The following FCMR variants were observed in gnomAD, a reference collection of about 807,000 sequenced individuals.
The protein encoded by FCMR is Fc mu receptor.
A neutral mutation model predicts 41.6 loss-of-function variants in FCMR; 34 were observed. The ratio of observed to expected loss-of-function variants is 0.82; its 90% confidence interval spans 0.62 to 1.09. The LOEUF (loss-of-function observed/expected upper bound fraction) is 1.09. Ranked by LOEUF, FCMR falls within the 50% of genes least tolerant of loss-of-function variation. FCMR has a pLI of 0.00. For missense variants in FCMR, 496 were observed against 512.5 expected (o/e 0.97, Z 0.31); for synonymous variants, 209 against 211.8 (o/e 0.99, Z 0.12).
In FCMR at chr1:206,911,241, T is replaced by A. The variant is rs79689019; in HGVS notation, c.710+489A>T. Reference sequence around the variant, plus strand: ...AACCAATTTTGATTATTATAGGGTTTTTTTTTTTTGGAGTCTGCTATAATG... The same window carrying A: ...AACCAATTTTGATTATTATAGGGTTATTTTTTTTTGGAGTCTGCTATAATG... On this transcript the variant is annotated intron_variant, in intron 4 of 7. Coordinates refer to ENST00000367091, the MANE Select transcript of FCMR (RefSeq NM_005449.5). 6.9e-3 allele frequency among the ~76,000 whole-genome samples: 1,049 copies of A among 151,766 alleles called. 14 individuals are homozygous for A. Among genetic ancestry groups the A allele is most frequent in the African/African-American group, 0.024 (1,011 of 41,384 alleles).
At chr1:206,912,676 T>C (rs542814693) in intron 3 of FCMR, among the ~76,000 whole-genome samples, 1 of 152,342 alleles carries the variant, frequency 6.6e-6, no homozygotes, top group South Asian at 2.1e-4. Context: ...ACATCATTGC[T>C]TGTGGTGCCA....
chr1:206,907,855 C>A, intron 7 of FCMR: 2 of 1,378,928 alleles, frequency 1.5e-6, no homozygotes, highest in Non-Finnish European at 1.0e-6. Context: ...CCAGCCGCAT[C>A]TTGTGGCACA....
upstream of FCMR, chr1:206,923,064 T>G (rs1438362302): frequency 6.6e-6 from 1 of 152,328 alleles, no homozygotes; most frequent in African/African-American, 2.4e-5. Flanking sequence ...CCTGGAAGTT[T>G]CATCCCTGGA....
intron 1 of FCMR, among the ~76,000 whole-genome samples, chr1:206,914,315 T>A (rs1400139356): frequency 1.4e-4 from 1 of 7,054 alleles, no homozygotes; most frequent in Non-Finnish European, 3.2e-4. Context: ...TTTTCTTTCC[T>A]TCCTTCCTTC....
chr1:206,913,245 C>T (rs1011940016), intron 2 of FCMR, among the ~76,000 whole-genome samples: 1 of 152,138 alleles, frequency 6.6e-6, no homozygotes, highest in African/African-American at 2.4e-5. Context: ...CCCTGCAAAA[C>T]CAGCAGAGGT....
At chr1:206,907,189 G>A (rs1256486529) in intron 7 of FCMR, among the ~76,000 whole-genome samples, 1 of 150,514 alleles carries the variant, frequency 6.6e-6, no homozygotes, top group East Asian at 2.0e-4. Context: ...CCAGGCCCAC[G>A]ATTGACCAGC....
intron 2 of FCMR, 105 bp from the exon 3 acceptor site, chr1:206,913,147 G>T: frequency 3.5e-6 from 3 of 845,396 alleles, no homozygotes. Context: ...GAGGGGATGA[G>T]GGCAGGGTCC....
At chr1:206,919,648 G>A (rs901643235) in intron 1 of FCMR, among the ~76,000 whole-genome samples, 11 of 152,116 alleles carry the variant, frequency 7.2e-5, no homozygotes, top group African/African-American at 2.7e-4. Flanking sequence ...CCCCCGGCCT[G>A]CAAAGTGCTC....
chr1:206,909,990 G>C lies in FCMR; in HGVS notation c.842-122C>G. 1 of 1,217,258 alleles carries C rather than the reference G, an allele frequency of 8.2e-7. No homozygotes were observed. The highest frequency in any genetic ancestry group is 1.6e-5 in the African/African-American group (1 of 62,444). The allele number at this position is 1,217,258 out of a possible 1,614,324, so 75.4% of individuals were successfully genotyped here. ...AGTGTCTGACCTGGAGATGCTCCAA[G>C]CGTGGGGAATGTACGAGGCACGGCC... On this transcript the variant is annotated intron_variant, in intron 5 of 7. Transcript: ENST00000367091. The surrounding 1 kb of genome is among the most constrained non-coding windows in gnomAD (Gnocchi z 5.0).
chr1:206,915,687 G>C (rs541748049), intron 1 of FCMR, among the ~76,000 whole-genome samples: 1 of 152,270 alleles, frequency 6.6e-6, no homozygotes, highest in South Asian at 2.1e-4. Context: ...GTGTGGCGAG[G>C]TGGGGCTGGA....
intron 4 of FCMR, 129 bp from the exon 5 acceptor site, chr1:206,910,469 C>T: frequency 1.6e-6 from 1 of 624,326 alleles, no homozygotes; most frequent in Non-Finnish European, 2.4e-6. Flanking sequence ...ACAGAATTCA[C>T]TCCACTCCCC....
Position 206,910,090 on chromosome 1 carries a change from C to T in FCMR, c.841+120G>A, listed in dbSNP as rs1572621191. ...CAGTGGCCCCCACTTCCCTAACTTC[C>T]CTACACCCCAGGCTGCTCATCAAAA... On this transcript the variant is annotated intron_variant, in intron 5 of 7. Coordinates refer to ENST00000367091, the MANE Select transcript of FCMR (RefSeq NM_005449.5). The T allele has an allele frequency of 2.4e-6, 3 of 1,264,450 alleles. No homozygotes were observed. In the East Asian group the frequency reaches 8.1e-5, roughly 34 times the overall value. The allele number at this position is 1,264,450 out of a possible 1,614,324, so 78.3% of individuals were successfully genotyped here.
At chr1:206,907,908 C>T (rs1558646382) in intron 7 of FCMR, 3 of 1,253,482 alleles carry the variant, frequency 2.4e-6, no homozygotes, top group East Asian at 2.3e-5. Flanking sequence ...GAGGCCAGGC[C>T]GCCCTGGACC....
chr1:206,913,758 C>G lies in FCMR; in HGVS notation c.373+1G>C. 1 of 1,613,246 alleles carries G rather than the reference C, an allele frequency of 6.2e-7. No individual in the cohort carries two copies. Among genetic ancestry groups the G allele is most frequent in the Non-Finnish European group, 8.5e-7 (1 of 1,179,204 alleles). ...AGCCTCCAATCAGCGGAGGAACCTA[C>G]CACTGTGGACATTCAGGGTGACTTT... On this transcript the variant is annotated splice_donor_variant, in intron 2 of 7. Transcript: ENST00000367091. LOFTEE classifies it high-confidence loss of function.
Position 206,905,112 on chromosome 1 carries a change from C to G in FCMR, c.1080G>C (p.Leu360=). 6.2e-7 allele frequency: 1 copy of G among 1,613,978 alleles called. No homozygotes were observed. Among genetic ancestry groups the G allele is most frequent in the Non-Finnish European group, 8.5e-7 (1 of 1,179,974 alleles). Residue 360 remains leucine, a synonymous_variant, in exon 8 of 8, where the codon CTG becomes CTC. Transcript: ENST00000367091. The part of the protein sequence containing the change: ...SESPWLHAPS[L]KTSCEYVSLY... ...GGCTCACGTATTCACAGCTGGTCTT[C>G]AGAGATGGGGCATGGAGCCAGGGAG...
chr1:206,911,278 T>G (rs1678931496), intron 4 of FCMR, among the ~76,000 whole-genome samples: 1 of 151,548 alleles, frequency 6.6e-6, no homozygotes, highest in South Asian at 2.1e-4. Flanking sequence ...TTCCCCCTAG[T>G]GGTATATTGC....
intron 1 of FCMR, among the ~76,000 whole-genome samples, chr1:206,915,301 G>A (rs1270336799): frequency 6.6e-6 from 1 of 152,134 alleles, no homozygotes; most frequent in Non-Finnish European, 1.5e-5. Context: ...TGTTGCAGGG[G>A]GTGGCGTGGT....
At chr1:206,908,364 C>T in intron 7 of FCMR, 1 of 584,046 alleles carries the variant, frequency 1.7e-6, no homozygotes, top group Admixed American at 3.0e-5. Flanking sequence ...AAGCTGGGAG[C>T]AAGGAAAGGG....
chr1:206,911,657 T>C, intron 4 of FCMR, 73 bp downstream of exon 4: 2 of 1,390,290 alleles, frequency 1.4e-6, no homozygotes, highest in Non-Finnish European at 2.0e-6. Flanking sequence ...TGTCTAATAA[T>C]GGACATTGCA....
Sources: gnomAD v4.1 joint callset for allele counts (sites outside exome capture counted in the v4.1 genomes callset) on GRCh38, gnomAD v4.1.1 for gene constraint, Gnocchi (gnomAD v3.1) non-coding constraint, MANE v1.5 for transcripts, NCBI Gene and HGNC (gene_info 2026-07-23, HGNC 2026-07-21) for gene names.